The following JAKMIP3 variants were observed in gnomAD, a reference collection of about 807,000 sequenced individuals.
The protein encoded by JAKMIP3 is Janus kinase and microtubule interacting protein 3, also known as janus kinase and microtubule-interacting protein 3.
In JAKMIP3, 58 loss-of-function variants were observed where a neutral mutation model predicts 118.5. That is an observed-to-expected ratio of 0.49 (90% CI 0.40 to 0.61). JAKMIP3 has a LOEUF of 0.61. JAKMIP3 is among the 20% of genes least tolerant of loss of function. The pLI is 0.00. For missense variants in JAKMIP3, 950 were observed against 1,109.0 expected (o/e 0.86, Z 2.04); for synonymous variants, 486 against 451.2 (o/e 1.08, Z -0.98).
At chr10:132,072,087 G>T (rs543219415) in intron 1 of JAKMIP3, among the ~76,000 whole-genome samples, 3 of 151,924 alleles carry the variant, frequency 2.0e-5, no homozygotes, top group Non-Finnish European at 2.9e-5. Flanking sequence ...GAGTAGCTGG[G>T]ATTACAGGCA....
intron 14 of JAKMIP3, among the ~76,000 whole-genome samples, chr10:132,149,183 C>T (rs1284131592): frequency 1.3e-5 from 2 of 152,112 alleles, no homozygotes; most frequent in Non-Finnish European, 2.9e-5. Context: ...GTGATGAACT[C>T]TGCCCGGCAC....
intron 3 of JAKMIP3, among the ~76,000 whole-genome samples, chr10:132,125,333 C>G (rs1223840059): frequency 6.6e-6 from 1 of 152,222 alleles, no homozygotes; most frequent in African/African-American, 2.4e-5. Context: ...AATGACCGTC[C>G]TTTCCCCCTG....
chr10:132,157,957 AAAAG>A (rs1305771743), intron 19 of JAKMIP3, among the ~76,000 whole-genome samples: 3 of 152,140 alleles, frequency 2.0e-5, no homozygotes, highest in East Asian at 1.9e-4. Flanking sequence ...ACAGAAAAAA[AAAAG>A]AGATTGTACA....
intron 19 of JAKMIP3, among the ~76,000 whole-genome samples, chr10:132,154,892 A>ATGATCG (rs1440544823): frequency 1.1e-5 from 1 of 88,234 alleles, no homozygotes; most frequent in Non-Finnish European, 2.5e-5. Context: ...GATGATGGTG[A>ATGATCG]TGATCGTGAT....
exon 1 of JAKMIP3, among the ~76,000 whole-genome samples, chr10:132,036,720 T>C (rs1045189982): frequency 2.9e-4 from 43 of 150,554 alleles, no homozygotes; most frequent in African/African-American, 1.0e-3. Flanking sequence ...CCGCCCAGAG[T>C]CGCTCGCGGG....
At position 132,168,856 on chromosome 10, in the gene JAKMIP3, C is replaced by T. The variant is rs546223494; in HGVS notation, c.*926C>T. ...GCCACCCAGCCTGGAAGCCCCTGCA[C>T]GGGCCAGCCCTGCAGGCCATGGACC... On this transcript the variant is annotated 3_prime_UTR_variant, in exon 23 of 24. Coordinates refer to ENST00000684848, the MANE Select transcript of JAKMIP3 (RefSeq NM_001323087.2). 4.5e-5 allele frequency: 9 copies of T among 201,432 alleles called. No individual in the cohort carries two copies. Among genetic ancestry groups the T allele is most frequent in the East Asian group, 1.6e-4 (1 of 6,162 alleles). 12.5% of individuals were successfully genotyped at this position (201,432 alleles called of 1,614,324 possible). A position where few individuals can be genotyped will look rare whatever the true frequency, so the allele number is the denominator to read the frequency against.
rs746097027 is a variant in JAKMIP3 at position 132,133,470 on chromosome 10, A to G, written c.792A>G (p.Arg264=). ...READRHPGSP[R]RELPHAAGAG... Reference sequence around the variant, plus strand: ...CCGACCGGCACCCGGGCAGCCCCAGACGGGAACTTCCTCATGCAGCTGGTG... The same window carrying G: ...CCGACCGGCACCCGGGCAGCCCCAGGCGGGAACTTCCTCATGCAGCTGGTG... The change falls in exon 4 of 24, where the codon AGA becomes AGG. Residue 264 remains arginine (R), a synonymous_variant. Transcript: ENST00000684848. 7 of 1,583,854 alleles carry G rather than the reference A, an allele frequency of 4.4e-6. No homozygotes were observed. In the South Asian group the frequency reaches 8.1e-5, roughly 18 times the overall value.
At position 132,075,408 on chromosome 10, in the gene JAKMIP3, T is replaced by TTTTA. The variant is rs2040633176; in HGVS notation, c.-138+9350_-138+9351insATTT. On this transcript the variant is annotated intron_variant, in intron 1 of 23. Coordinates refer to ENST00000684848, the MANE Select transcript of JAKMIP3 (RefSeq NM_001323087.2). ...CTATTGCTTTCATATACTTCACCTC[T>TTTTA]TTTTTTTTTTTTTTTTTAAAGACAG... is the stretch of plus-strand genomic sequence containing the variant. Among the ~76,000 whole-genome samples the TTTTA allele has an allele frequency of 4.5e-4, 5 of 10,992 alleles. No homozygotes were observed. The African/African-American group carries it at 0.01, about 22-fold the overall frequency. 7.2% of individuals were successfully genotyped at this position (10,992 alleles called of 152,430 possible).
At chr10:132,059,848 G>A (rs1431118577), upstream of JAKMIP3, among the ~76,000 whole-genome samples, 1 of 152,248 alleles carries the variant, frequency 6.6e-6, no homozygotes, top group Non-Finnish European at 1.5e-5. Context: ...TTACCTTGGA[G>A]AACCAGAGGG....
Position 132,176,632 on chromosome 10 carries a change from A to AT in JAKMIP3, c.*1104-5725_*1104-5724insT, listed in dbSNP as rs201013783. Among the ~76,000 whole-genome samples the AT allele has an allele frequency of 8.6e-3, 1,304 of 152,230 alleles. 10 individuals are homozygous for AT. Among genetic ancestry groups the AT allele is most frequent in the Middle Eastern group, 0.017 (5 of 294 alleles). Reference sequence around the variant, plus strand: ...GATCACGGCAGCAGACACATTTCCAAAAGGCAGACTCTTTAATTGTGTTTG... The same window carrying AT: ...GATCACGGCAGCAGACACATTTCCAATAAGGCAGACTCTTTAATTGTGTTTG... On this transcript the variant is annotated intron_variant, in intron 23 of 23. Transcript: ENST00000684848.
chr10:132,057,112 G>A (rs892913449), intron 1 of JAKMIP3, among the ~76,000 whole-genome samples: 9 of 152,152 alleles, frequency 5.9e-5, no homozygotes, highest in Admixed American at 2.6e-4. Context: ...GAAGGACTCC[G>A]GGGAAAGGAA....
chr10:132,184,005 C>T lies in JAKMIP3; in HGVS notation c.*2752C>T, dbSNP rs980661257. On this transcript the variant is annotated 3_prime_UTR_variant, in exon 24 of 24. Coordinates refer to ENST00000684848, the MANE Select transcript of JAKMIP3 (RefSeq NM_001323087.2). ...ACAGGGGAAGTCTGTATGAATGCAT[C>T]ACCCCCTAATAAGGCAAGAGGAAGG... The T allele has an allele frequency of 6.6e-6, 1 of 152,176 alleles. No homozygotes were observed. The highest frequency in any genetic ancestry group is 2.4e-5 in the African/African-American group (1 of 41,432). The allele number at this position is 152,176 out of a possible 1,614,324, so 9.4% of individuals were successfully genotyped here. A position where few individuals can be genotyped will look rare whatever the true frequency, so the allele number is the denominator to read the frequency against.
Position 132,180,588 on chromosome 10 carries a change from TGTGTGTGTGCGTGC to T in JAKMIP3, c.*1104-1767_*1104-1754del, listed in dbSNP as rs2060819954. ...GTGTGCGTGTGTGTGTGCGTGCGCGTGTGTGTGTGCGTGCGCGTGTGTGTGTGCGTGTGTGTGCG... is the reference window on the plus strand; with the variant it reads ...GTGTGCGTGTGTGTGTGCGTGCGCGTGCGTGTGTGTGTGCGTGTGTGTGCG... On this transcript the variant is annotated intron_variant, in intron 23 of 23. Coordinates refer to ENST00000684848, the MANE Select transcript of JAKMIP3 (RefSeq NM_001323087.2). Among the ~76,000 whole-genome samples the T allele has an allele frequency of 7.1e-5, 2 of 28,026 alleles. 1 individual carries two copies. The highest frequency in any genetic ancestry group is 1.2e-4 in the Non-Finnish European group (2 of 16,076). The allele number at this position is 28,026 out of a possible 152,430, so 18.4% of individuals were successfully genotyped here. A position where few individuals can be genotyped will look rare whatever the true frequency, so the allele number is the denominator to read the frequency against.
chr10:132,137,172 G>T (rs999927477), intron 7 of JAKMIP3, 22 bp downstream of exon 7: 3 of 1,613,882 alleles, frequency 1.9e-6, no homozygotes, highest in Non-Finnish European at 2.5e-6. Context: ...GCTGTTTGCT[G>T]CGGCCCCGTC....
At position 132,180,680 on chromosome 10, in the gene JAKMIP3, C is replaced by CGTGTGCGT. The variant is rs1296049208; in HGVS notation, c.*1104-1676_*1104-1675insTGTGCGTG. On this transcript the variant is annotated intron_variant, in intron 23 of 23. Coordinates refer to ENST00000684848, the MANE Select transcript of JAKMIP3 (RefSeq NM_001323087.2). ...GTGCGTGTGTGCGTGTGTGTGCGCG[C>CGTGTGCGT]GCGTGTGTGTGCGTGCGTGTGTGTG... is the stretch of plus-strand genomic sequence containing the variant. Among the ~76,000 whole-genome samples the CGTGTGCGT allele has an allele frequency of 8.4e-4, 5 of 5,944 alleles. 1 individual carries two copies. The highest frequency in any genetic ancestry group is 3.6e-3 in the African/African-American group (5 of 1,390). 3.9% of individuals were successfully genotyped at this position (5,944 alleles called of 152,430 possible). A position where few individuals can be genotyped will look rare whatever the true frequency, so the allele number is the denominator to read the frequency against.
chr10:132,141,867 G>A (rs2053582701), intron 10 of JAKMIP3, 53 bp from the exon 11 acceptor site: 1 of 1,559,190 alleles, frequency 6.4e-7, no homozygotes, highest in Non-Finnish European at 8.7e-7. Flanking sequence ...CGGAGGAGGT[G>A]CTGGCTACTG....
intron 1 of JAKMIP3, among the ~76,000 whole-genome samples, chr10:132,046,658 C>G (rs1052188500): frequency 1.3e-5 from 2 of 152,158 alleles, no homozygotes; most frequent in African/African-American, 4.8e-5. Context: ...CTGTCATGAA[C>G]TTTTAAGTTT....
chr10:132,176,762 A>ACCTCC (rs983238199), intron 23 of JAKMIP3, among the ~76,000 whole-genome samples: 1 of 151,170 alleles, frequency 6.6e-6, no homozygotes, highest in African/African-American at 2.4e-5. Flanking sequence ...CTGGGGCTTT[A>ACCTCC]CCTCCCCTCT....
chr10:132,121,093 G>C (rs1489324778), intron 3 of JAKMIP3, among the ~76,000 whole-genome samples: 2 of 152,166 alleles, frequency 1.3e-5, no homozygotes, highest in Non-Finnish European at 2.9e-5. Flanking sequence ...CAGGGGACTG[G>C]GGGCAGTCAG....
Sources: allele counts gnomAD v4.1 joint callset (sites outside exome capture counted in the v4.1 genomes callset), GRCh38; gene constraint gnomAD v4.1.1; transcripts MANE v1.5; gene names NCBI Gene and HGNC (gene_info 2026-07-23, HGNC 2026-07-21).